The following NRXN3 variants were observed in gnomAD, a reference collection of about 807,000 sequenced individuals.
NRXN3 encodes the protein neurexin 3.
A neutral mutation model predicts 137.6 loss-of-function variants in NRXN3; 32 were observed. The ratio of observed to expected loss-of-function variants is 0.23; its 90% confidence interval spans 0.18 to 0.31. NRXN3 has a LOEUF of 0.31. Among genes scored for constraint, NRXN3 ranks in the 10% least tolerant of loss-of-function variants. The pLI, the probability that NRXN3 is intolerant of heterozygous loss-of-function variation, is 1.00. For synonymous variants in NRXN3, 798 were observed against 784.5 expected (o/e 1.02, Z -0.29); for missense variants, 1,574 against 2,062.5 (o/e 0.76, Z 4.59).
intron 2 of NRXN3, among the ~76,000 whole-genome samples, chr14:78,275,915 C>G (rs566888860): frequency 5.9e-5 from 9 of 152,196 alleles, no homozygotes; most frequent in Non-Finnish European, 8.8e-5. Context: ...AGCCATCCCC[C>G]TCCTTCGTCT....
At chr14:79,736,621 A>C (rs1032100981) in intron 19 of NRXN3, among the ~76,000 whole-genome samples, 1 of 152,146 alleles carries the variant, frequency 6.6e-6, no homozygotes, top group Non-Finnish European at 1.5e-5. Flanking sequence ...ACAGTTTGAG[A>C]GAGAAAGTGG....
chr14:79,070,980 C>A (rs2152710147), intron 15 of NRXN3, among the ~76,000 whole-genome samples: 1 of 152,260 alleles, frequency 6.6e-6, no homozygotes, highest in East Asian at 1.9e-4. Context: ...ATAGCAATTT[C>A]TCTTGCCCTG....
rs1258065816 is a variant in NRXN3, at chr14:79,575,665, C to T, written c.3445-88113C>T. Among the ~76,000 whole-genome samples, 6 of 151,950 alleles carry T rather than the reference C, an allele frequency of 3.9e-5. No individual in the cohort carries two copies. The South Asian group carries it at 6.2e-4, about 16-fold the overall frequency. ...TTTCCCATCACTTTAGATTCCTTTC[C>T]GTGTCAATGATGGCTTTTAATCCCA... is the stretch of plus-strand genomic sequence containing the variant. On this transcript the variant is annotated intron_variant, in intron 16 of 20. Coordinates refer to ENST00000335750, the MANE Select transcript of NRXN3 (RefSeq NM_001330195.2).
At chr14:78,608,694 C>T (rs192877172) in intron 4 of NRXN3, among the ~76,000 whole-genome samples, 3 of 152,246 alleles carry the variant, frequency 2.0e-5, no homozygotes, top group Admixed American at 6.5e-5. Flanking sequence ...CATTTAATGA[C>T]AATGCACAAT....
At chr14:79,661,182 G>C (rs1256842587) in intron 16 of NRXN3, among the ~76,000 whole-genome samples, 8 of 152,100 alleles carry the variant, frequency 5.3e-5, no homozygotes, top group African/African-American at 1.9e-4. Flanking sequence ...GATGTAGATA[G>C]CGGTTTCAAC....
chr14:79,249,398 A>G (rs1318121028), intron 15 of NRXN3, among the ~76,000 whole-genome samples: 5 of 152,194 alleles, frequency 3.3e-5, no homozygotes, highest in Admixed American at 2.6e-4. Flanking sequence ...AAATGGTTAC[A>G]TGAAGAGAAA....
At chr14:78,670,492 G>T (rs750740081) in intron 6 of NRXN3, among the ~76,000 whole-genome samples, 19 of 152,154 alleles carry the variant, frequency 1.2e-4, no homozygotes, top group Non-Finnish European at 2.4e-4. Context: ...AGCCCAGTAG[G>T]TCTCAGCCTT....
intron 15 of NRXN3, among the ~76,000 whole-genome samples, chr14:79,087,953 T>TTGGATTTTCCCTATGACTTG (rs374707900): frequency 2.7e-5 from 4 of 150,842 alleles, no homozygotes; most frequent in African/African-American, 1.0e-4. Flanking sequence ...TAGTTGTTTC[T>TTGGATTTTCCCTATGACTTG]GGTTAAAGCA....
chr14:79,390,245 A>C (rs953019781), intron 15 of NRXN3, among the ~76,000 whole-genome samples: 1 of 147,826 alleles, frequency 6.8e-6, no homozygotes, highest in African/African-American at 2.5e-5. Flanking sequence ...TGAACCCAGG[A>C]GGTGGAACTT....
At chr14:78,577,167 C>G (rs2096944148) in intron 4 of NRXN3, among the ~76,000 whole-genome samples, 1 of 152,164 alleles carries the variant, frequency 6.6e-6, no homozygotes, top group Non-Finnish European at 1.5e-5. Context: ...ATTCAGTAAT[C>G]CATGTAGGCC....
chr14:78,280,329 T>C (rs944562245), intron 3 of NRXN3, among the ~76,000 whole-genome samples: 3 of 152,240 alleles, frequency 2.0e-5, no homozygotes, highest in African/African-American at 7.2e-5. Flanking sequence ...ATGTTATGTA[T>C]ATATTACATA....
chr14:78,734,850 A>G (rs931376132), intron 8 of NRXN3, among the ~76,000 whole-genome samples: 1 of 152,188 alleles, frequency 6.6e-6, no homozygotes, highest in Non-Finnish European at 1.5e-5. Flanking sequence ...AGGAGAGGGA[A>G]GAGGAGACAG....
chr14:79,557,319 C>A (rs1381707039), intron 16 of NRXN3, among the ~76,000 whole-genome samples: 14 of 151,604 alleles, frequency 9.2e-5, no homozygotes, highest in Admixed American at 9.2e-4. Flanking sequence ...TCCCCCTGCC[C>A]CCTGCAAAAA....
At chr14:78,617,014 C>T (rs922171580) in intron 4 of NRXN3, among the ~76,000 whole-genome samples, 2 of 152,206 alleles carry the variant, frequency 1.3e-5, no homozygotes, top group Non-Finnish European at 2.9e-5. Context: ...GCTCACCCCC[C>T]ACTGCACTAA....
At chr14:79,266,139 T>C (rs1241093381) in intron 15 of NRXN3, among the ~76,000 whole-genome samples, 2 of 152,168 alleles carry the variant, frequency 1.3e-5, no homozygotes, top group Non-Finnish European at 2.9e-5. Context: ...TTGCCTGATA[T>C]CTGGCAATTA....
At chr14:79,035,156 C>T (rs982629767) in intron 15 of NRXN3, among the ~76,000 whole-genome samples, 2 of 152,028 alleles carry the variant, frequency 1.3e-5, no homozygotes. Context: ...TAAATGGAAG[C>T]TAATTTGTTA....
At position 79,840,697 on chromosome 14, in the gene NRXN3, G is replaced by T. The variant is rs76545640; in HGVS notation, c.4094-20645G>T. On this transcript the variant is annotated intron_variant, in intron 20 of 20. Coordinates refer to ENST00000335750, the MANE Select transcript of NRXN3 (RefSeq NM_001330195.2). ...GCCCAGATTTACTGCTATGTAAGGT[G>T]TAATTATAATTATTGAGTAAAATAA... Among the ~76,000 whole-genome samples the T allele has an allele frequency of 7.8e-4, 118 of 152,240 alleles. No homozygotes were observed. The East Asian group carries it at 0.016, about 21-fold the overall frequency.
intron 4 of NRXN3, among the ~76,000 whole-genome samples, chr14:78,433,186 AT>A (rs1351956590): frequency 1.3e-5 from 2 of 151,680 alleles, no homozygotes; most frequent in Non-Finnish European, 2.9e-5. Flanking sequence ...TGAAGTCCCC[AT>A]TTTTTTTCTT....
At chr14:79,713,414 A>G (rs2098812266) in intron 19 of NRXN3, among the ~76,000 whole-genome samples, 1 of 148,156 alleles carries the variant, frequency 6.7e-6, no homozygotes, top group Non-Finnish European at 1.5e-5. Context: ...ATGAATAGCT[A>G]TAATTAATTA....
Sources: gnomAD v4.1 joint callset for allele counts (sites outside exome capture counted in the v4.1 genomes callset) on GRCh38, gnomAD v4.1.1 for gene constraint, MANE v1.5 for transcripts, NCBI Gene and HGNC (gene_info 2026-07-23, HGNC 2026-07-21) for gene names.